The following RPP40 variants were observed in gnomAD, a reference collection of about 807,000 sequenced individuals.
RPP40 encodes the protein ribonuclease P protein subunit p40.
Under a neutral mutation model 42.5 loss-of-function variants are expected in RPP40, and 30 were observed. That is an observed-to-expected ratio of 0.71 (90% confidence interval 0.53 to 0.96). RPP40 has a LOEUF of 0.96. Among genes scored for constraint, RPP40 ranks in the 40% least tolerant of loss-of-function variants. The pLI is 0.00. For synonymous variants in RPP40, 173 were observed against 164.0 expected, an observed-to-expected ratio of 1.05 and a Z score of -0.42; for missense variants, 426 against 433.5, an observed-to-expected ratio of 0.98 and a Z score of 0.15.
chr6:4,999,545 C>T (rs1759484257), intron 4 of RPP40, among the ~76,000 whole-genome samples: 1 of 152,022 alleles, frequency 6.6e-6, no homozygotes, highest in Non-Finnish European at 1.5e-5. Flanking sequence ...GATCCGCCCG[C>T]CTTGGCCTGC....
In RPP40 at chr6:5,004,009, CTGGGT is replaced by C; in HGVS notation, c.-12_-8del. 1 of 1,598,878 alleles carries C rather than the reference CTGGGT, an allele frequency of 6.3e-7. No homozygotes were observed. On this transcript the variant is annotated 5_prime_UTR_variant, in exon 1 of 8. Transcript: ENST00000380051. ...GCCGGCGCAGCGTGGCCATGCTCTC[CTGGGT>C]TCCTGGTCCTCCCGGCCTCCGCTGG...
At chr6:5,002,270 A>C (rs1200818099) in intron 1 of RPP40, 25 bp from the exon 2 acceptor site, 2 of 1,574,074 alleles carry the variant, frequency 1.3e-6, no homozygotes, top group East Asian at 4.6e-5. Flanking sequence ...AATACAAACA[A>C]GGTCTTACTT....
intron 5 of RPP40, 25 bp from the exon 6 acceptor site, chr6:4,996,445 A>C: frequency 6.2e-7 from 1 of 1,608,666 alleles, no homozygotes; most frequent in Non-Finnish European, 8.5e-7. Flanking sequence ...ACACAAGGCC[A>C]TTTGAATCCA....
chr6:4,995,035 G>T lies in RPP40; in HGVS notation c.*43C>A. The T allele has an allele frequency of 6.6e-7, 1 of 1,505,662 alleles. No homozygotes were observed. The highest frequency in any genetic ancestry group is 9.1e-7 in the Non-Finnish European group (1 of 1,099,216). 93.3% of individuals were successfully genotyped at this position (1,505,662 alleles called of 1,614,324 possible). On this transcript the variant is annotated 3_prime_UTR_variant, in exon 8 of 8. Coordinates refer to ENST00000380051, the MANE Select transcript of RPP40 (RefSeq NM_006638.4). The stretch of plus-strand genomic sequence containing the variant: ...CCTTTTACCATTAAGAAATCTGAAA[G>T]CAAGCGTAAATGTAAGTAAACACGA...
rs770610852 is a variant in RPP40, at chr6:4,996,127, T to C, written c.759-42A>G. Reference sequence around the variant, plus strand: ...AAAAGAGAGAGAGATAACACATGTATATCCATCACATGATCACTTCCAAAG... The same window carrying C: ...AAAAGAGAGAGAGATAACACATGTACATCCATCACATGATCACTTCCAAAG... On this transcript the variant is annotated intron_variant, in intron 6 of 7. Coordinates refer to ENST00000380051, the MANE Select transcript of RPP40 (RefSeq NM_006638.4). The C allele has an allele frequency of 1.8e-5, 29 of 1,604,468 alleles. No homozygotes were observed. In the African/African-American group the frequency reaches 3.6e-4, roughly 20 times the overall value.
intron 4 of RPP40, among the ~76,000 whole-genome samples, chr6:4,999,096 C>T (rs773235225): frequency 6.6e-6 from 1 of 151,990 alleles, no homozygotes; most frequent in Non-Finnish European, 1.5e-5. Context: ...GGGCAGAGGA[C>T]CTTGAGAGGT....
chr6:4,998,967 C>T (rs2127541644), intron 4 of RPP40, 126 bp from the exon 5 acceptor site: 1 of 550,698 alleles, frequency 1.8e-6, no homozygotes, highest in Non-Finnish European at 2.9e-6. Flanking sequence ...TTATTTTATT[C>T]TTCTTCCACT....
At chr6:4,992,358 G>A (rs1487486561), downstream of RPP40, among the ~76,000 whole-genome samples, 3 of 112,046 alleles carry the variant, frequency 2.7e-5, no homozygotes, top group Non-Finnish European at 5.5e-5. Context: ...AACAGAGGGA[G>A]GCTCTGTCTC....
chr6:5,000,274 G>A (rs577528292), intron 3 of RPP40, among the ~76,000 whole-genome samples: 4 of 151,748 alleles, frequency 2.6e-5, no homozygotes, highest in African/African-American at 9.7e-5. Context: ...TGCAACCTCC[G>A]CCTCCCAGGT....
intron 1 of RPP40, 126 bp from the exon 2 acceptor site, chr6:5,002,371 G>T: frequency 1.4e-6 from 1 of 693,364 alleles, no homozygotes; most frequent in South Asian, 2.1e-5. Context: ...ATAAAAACAC[G>T]GGCAACAAAA....
chr6:5,002,238 A>C lies in RPP40; in HGVS notation c.131T>G (p.Phe44Cys). ...TAGTATCCCACATTCAGGAATGAGA[A>C]ATGAAACCTATTGGAATGTGTAATA... ...QTHYYNYRVS[F>C]LIPECGILSE... Residue 44 changes from phenylalanine (F) to cysteine (C), a missense_variant, in exon 2 of 8, where the codon TTT becomes TGT. Physicochemically the swap from Phe to Cys is radical, Grantham distance 205. Coordinates refer to ENST00000380051, the MANE Select transcript of RPP40 (RefSeq NM_006638.4). The C allele has an allele frequency of 1.2e-6, 2 of 1,612,248 alleles. No individual in the cohort carries two copies. Among genetic ancestry groups the C allele is most frequent in the Non-Finnish European group, 1.7e-6 (2 of 1,179,224 alleles).
At chr6:4,997,040 A>G (rs1308955321) in intron 5 of RPP40, among the ~76,000 whole-genome samples, 1 of 152,224 alleles carries the variant, frequency 6.6e-6, no homozygotes, top group Non-Finnish European at 1.5e-5. Flanking sequence ...TGGAGTTCTT[A>G]AACTCCAGGT....
intron 1 of RPP40, 115 bp downstream of exon 1, chr6:5,003,765 C>T: frequency 1.5e-6 from 2 of 1,351,818 alleles, no homozygotes; most frequent in Non-Finnish European, 2.0e-6. Flanking sequence ...GCGAGGGCCC[C>T]GCCCCTCCGC....
intron 3 of RPP40, 55 bp downstream of exon 3, chr6:5,000,508 T>TTAA: frequency 1.9e-6 from 2 of 1,033,580 alleles, no homozygotes; most frequent in African/African-American, 1.7e-5. Flanking sequence ...TTTTTTTTTT[T>TTAA]ACAGTATGCA....
At chr6:4,989,643 T>C in the RPP40 span, among the ~76,000 whole-genome samples, 2 of 152,238 alleles carry the variant, frequency 1.3e-5, no homozygotes, top group Non-Finnish European at 2.9e-5. Context: ...ACAGTATTTT[T>C]CTCATTTTTT....
chr6:5,000,544 T>C lies in RPP40; in HGVS notation c.337+19A>G. The stretch of plus-strand genomic sequence containing the variant: ...TTTTTTTTTAACAATTAAAGAAAGA[T>C]GAAAAAATAAAGTGTTACCATTTGG... On this transcript the variant is annotated intron_variant, in intron 3 of 7. Coordinates refer to ENST00000380051, the MANE Select transcript of RPP40 (RefSeq NM_006638.4). The C allele has an allele frequency of 1.5e-6, 2 of 1,358,674 alleles. No homozygotes were observed. The highest frequency in any genetic ancestry group is 2.1e-6 in the Non-Finnish European group (2 of 970,006). The allele number at this position is 1,358,674 out of a possible 1,614,324, so 84.2% of individuals were successfully genotyped here.
chr6:5,000,519 T>A, intron 3 of RPP40, 44 bp downstream of exon 3: 4 of 976,382 alleles, frequency 4.1e-6, no homozygotes, highest in Non-Finnish European at 6.1e-6. Context: ...ACAGTATGCA[T>A]TTTTTTTTAA....
chr6:4,995,242 C>A lies in RPP40; in HGVS notation c.928G>T (p.Val310Phe). 5.0e-6 allele frequency: 8 copies of A among 1,613,730 alleles called. No individual in the cohort carries two copies. Among genetic ancestry groups the A allele is most frequent in the Non-Finnish European group, 6.8e-6 (8 of 1,179,898 alleles). The change falls in exon 8 of 8, where the codon GTT becomes TTT. Residue 310 changes from valine (V) to phenylalanine (F), a missense_variant. Physicochemically the swap from Val to Phe is conservative, Grantham distance 50. Coordinates refer to ENST00000380051, the MANE Select transcript of RPP40 (RefSeq NM_006638.4). ...GCAAAGCCTTGAACGGACAGTGTAACCCATGGAGCTAACTTCGGTTCATCA... is the reference window on the plus strand; with the variant it reads ...GCAAAGCCTTGAACGGACAGTGTAAACCATGGAGCTAACTTCGGTTCATCA... ...YFDEPKLAPW[V>F]TLSVQGFADS...
In RPP40 at chr6:4,995,216, T is replaced by A; in HGVS notation, c.954A>T (p.Ala318=). The change falls in exon 8 of 8, where the codon GCA becomes GCT. Residue 318 remains alanine, a synonymous_variant. Coordinates refer to ENST00000380051, the MANE Select transcript of RPP40 (RefSeq NM_006638.4). The part of the protein sequence containing the change: ...PWVTLSVQGF[A]DSPVSWEKNE... Reference sequence around the variant, plus strand: ...TTTTTTCCCAAGAAACAGGGCTGTCTGCAAAGCCTTGAACGGACAGTGTAA... The same window carrying A: ...TTTTTTCCCAAGAAACAGGGCTGTCAGCAAAGCCTTGAACGGACAGTGTAA... The A allele has an allele frequency of 6.2e-7, 1 of 1,614,134 alleles. No homozygotes were observed. The highest frequency in any genetic ancestry group is 8.5e-7 in the Non-Finnish European group (1 of 1,179,986).
Sources: allele counts gnomAD v4.1 joint callset (sites outside exome capture counted in the v4.1 genomes callset), GRCh38; gene constraint gnomAD v4.1.1; transcripts MANE v1.5; gene names NCBI Gene and HGNC (gene_info 2026-07-23, HGNC 2026-07-21).